Variants in GUCY1A2 observed in about 807,000 individuals in gnomAD.
The protein encoded by GUCY1A2 is guanylate cyclase 1 soluble subunit alpha 2.
GUCY1A2 carries 27 observed loss-of-function variants against 63.5 expected under a neutral mutation model. The observed-to-expected ratio is 0.43, with a 90% confidence interval of 0.31 to 0.59. The LOEUF is 0.59. GUCY1A2 is among the 20% of genes least tolerant of loss of function. GUCY1A2 has a pLI of 0.11. For synonymous variants in GUCY1A2, 364 were observed against 343.5 expected (o/e 1.06, Z -0.66); for missense variants, 768 against 913.3 (o/e 0.84, Z 2.05).
intron 4 of GUCY1A2, among the ~76,000 whole-genome samples, chr11:106,837,702 T>C (rs1486234403): frequency 6.6e-6 from 1 of 151,962 alleles, no homozygotes; most frequent in Non-Finnish European, 1.5e-5. Flanking sequence ...AGAATCTATA[T>C]AAGTGAACCC....
At chr11:106,820,006 T>G (rs1282455370) in intron 4 of GUCY1A2, among the ~76,000 whole-genome samples, 1 of 152,152 alleles carries the variant, frequency 6.6e-6, no homozygotes, top group Non-Finnish European at 1.5e-5. Flanking sequence ...TGAGGAGATG[T>G]TGATCAAAGA....
chr11:106,689,358 G>A (rs4523664), intron 7 of GUCY1A2, among the ~76,000 whole-genome samples: 37,556 of 151,702 alleles, frequency 0.25, 6,046 homozygotes, highest in East Asian at 0.63. Flanking sequence ...ATATTCATTC[G>A]GTATATAAAA....
chr11:106,977,742 A>G (rs977845593), intron 3 of GUCY1A2, among the ~76,000 whole-genome samples: 2 of 152,186 alleles, frequency 1.3e-5, no homozygotes, highest in African/African-American at 4.8e-5. Context: ...CCTATTGTCC[A>G]TCACCTGACC....
intron 1 of GUCY1A2, among the ~76,000 whole-genome samples, chr11:107,004,147 T>A (rs770626654): frequency 6.6e-6 from 1 of 152,058 alleles, no homozygotes; most frequent in Middle Eastern, 3.2e-3. Context: ...GAGGAATGAG[T>A]CCTTCATTAC....
At chr11:106,855,900 TATTTATTTA>T (rs760372620) in intron 4 of GUCY1A2, among the ~76,000 whole-genome samples, 1 of 90,146 alleles carries the variant, frequency 1.1e-5, no homozygotes, top group East Asian at 2.4e-4. Flanking sequence ...GTATTTTATT[TATTTATTTA>T]TTTATTTATT....
intron 4 of GUCY1A2, among the ~76,000 whole-genome samples, chr11:106,908,557 G>GA (rs561041064): frequency 2.0e-4 from 31 of 151,700 alleles, no homozygotes; most frequent in African/African-American, 6.8e-4. Context: ...TATGAATAAA[G>GA]AAAAAAAGGA....
intron 1 of GUCY1A2, among the ~76,000 whole-genome samples, chr11:107,007,513 C>A (rs531627250): frequency 6.6e-5 from 10 of 152,174 alleles, no homozygotes; most frequent in Admixed American, 2.6e-4. Context: ...GACATATAGG[C>A]CTTCTAATGC....
At chr11:106,749,866 G>A (rs976137209) in intron 6 of GUCY1A2, among the ~76,000 whole-genome samples, 2 of 152,018 alleles carry the variant, frequency 1.3e-5, no homozygotes, top group African/African-American at 4.8e-5. Flanking sequence ...ATTATATCAT[G>A]TAAACATCTA....
chr11:106,937,905 A>G (rs569490561), intron 4 of GUCY1A2, among the ~76,000 whole-genome samples: 2 of 152,266 alleles, frequency 1.3e-5, no homozygotes, highest in East Asian at 3.9e-4. Flanking sequence ...TGATTTCGTC[A>G]TATTGAATAA....
chr11:106,752,404 G>A (rs557804813), intron 6 of GUCY1A2, among the ~76,000 whole-genome samples: 9 of 152,238 alleles, frequency 5.9e-5, no homozygotes, highest in African/African-American at 2.2e-4. Context: ...TGGGGTACAT[G>A]TGCACAACAT....
At position 106,740,938 on chromosome 11, in the gene GUCY1A2, G is replaced by T. The variant is rs552801354; in HGVS notation, c.1837-32272C>A. Among the ~76,000 whole-genome samples the T allele has an allele frequency of 9.9e-5, 15 of 152,246 alleles. 1 individual carries two copies. The East Asian group carries it at 2.9e-3, about 29-fold the overall frequency. On this transcript the variant is annotated intron_variant, in intron 6 of 7. Transcript: ENST00000526355. ...TCCACCTGTCTTGGCCTCCCAAAGT[G>T]CTGGGATTACAAGCATGAGCCACCA...
At chr11:106,795,383 G>A (rs549340635) in intron 5 of GUCY1A2, among the ~76,000 whole-genome samples, 1 of 152,308 alleles carries the variant, frequency 6.6e-6, no homozygotes, top group South Asian at 2.1e-4. Context: ...GAAAAAGAGA[G>A]AAGCACGAAG....
At chr11:106,881,792 T>C (rs1859827423) in intron 4 of GUCY1A2, among the ~76,000 whole-genome samples, 1 of 152,062 alleles carries the variant, frequency 6.6e-6, no homozygotes, top group Non-Finnish European at 1.5e-5. Flanking sequence ...TGGATTTTAC[T>C]GATTTAAATG....
intron 6 of GUCY1A2, among the ~76,000 whole-genome samples, chr11:106,763,141 A>G (rs2135393000): frequency 6.6e-6 from 1 of 152,214 alleles, no homozygotes; most frequent in Admixed American, 6.5e-5. Flanking sequence ...TATTTGGAAA[A>G]TGTGAACAGA....
chr11:106,830,758 A>AT (rs772288448), intron 4 of GUCY1A2, among the ~76,000 whole-genome samples: 8 of 152,180 alleles, frequency 5.3e-5, no homozygotes, highest in Non-Finnish European at 1.2e-4. Flanking sequence ...TCCTTTATAC[A>AT]TTTATCCTAT....
At chr11:106,729,409 C>A (rs1023398234) in intron 6 of GUCY1A2, among the ~76,000 whole-genome samples, 1 of 151,714 alleles carries the variant, frequency 6.6e-6, no homozygotes, top group Admixed American at 6.6e-5. Flanking sequence ...TTTTAAATTT[C>A]TGTGGGCTGG....
intron 4 of GUCY1A2, among the ~76,000 whole-genome samples, chr11:106,810,980 A>G (rs1042949881): frequency 6.6e-6 from 1 of 152,124 alleles, no homozygotes; most frequent in Non-Finnish European, 1.5e-5. Context: ...AGTACTTTTA[A>G]AATGTACTAG....
intron 6 of GUCY1A2, among the ~76,000 whole-genome samples, chr11:106,715,202 T>TA (rs1239280996): frequency 3.3e-5 from 5 of 152,014 alleles, no homozygotes; most frequent in East Asian, 3.9e-4. Context: ...ACAACTGCAT[T>TA]AAAAAAAATT....
chr11:106,837,554 T>C (rs1859134091), intron 4 of GUCY1A2, among the ~76,000 whole-genome samples: 2 of 151,992 alleles, frequency 1.3e-5, no homozygotes, highest in African/African-American at 2.4e-5. Context: ...TTTCTAGCTC[T>C]CTGAAGAATC....
Sources: gnomAD v4.1 joint callset for allele counts (sites outside exome capture counted in the v4.1 genomes callset) on GRCh38, gnomAD v4.1.1 for gene constraint, MANE v1.5 for transcripts, NCBI Gene and HGNC (gene_info 2026-07-23, HGNC 2026-07-21) for gene names.